The following FHIT variants were observed in gnomAD, a reference collection of about 807,000 sequenced individuals.
FHIT encodes the protein fragile histidine triad diadenosine triphosphatase, also known as bis(5'-adenosyl)-triphosphatase.
Under a neutral mutation model 17.9 loss-of-function variants are expected in FHIT, and 19 were observed. That is an observed-to-expected ratio of 1.06 (90% confidence interval 0.74 to 1.56). The LOEUF is 1.56. FHIT is among the 40% of genes most tolerant of loss of function. The pLI, the probability that FHIT is intolerant of heterozygous loss-of-function variation, is 0.00. For missense variants in FHIT, 248 were observed against 189.2 expected, an observed-to-expected ratio of 1.31 and a Z score of -1.82; for synonymous variants, 81 against 69.7, an observed-to-expected ratio of 1.16 and a Z score of -0.81.
At chr3:60,140,932 C>T (rs1461702490) in intron 5 of FHIT, among the ~76,000 whole-genome samples, 5 of 152,080 alleles carry the variant, frequency 3.3e-5, no homozygotes, top group South Asian at 4.1e-4. Flanking sequence ...GGTGTCAAAG[C>T]TGTCATCGGT....
At chr3:60,418,310 T>C (rs1702324931) in intron 5 of FHIT, among the ~76,000 whole-genome samples, 2 of 148,064 alleles carry the variant, frequency 1.4e-5, no homozygotes, top group Non-Finnish European at 1.5e-5. Flanking sequence ...CATAATTATG[T>C]CATGCTATAT....
At chr3:61,096,136 T>C (rs1179624709) in intron 2 of FHIT, among the ~76,000 whole-genome samples, 1 of 152,194 alleles carries the variant, frequency 6.6e-6, no homozygotes, top group Non-Finnish European at 1.5e-5. Context: ...GCTTTAAATC[T>C]TTCTCAAACA....
At chr3:60,892,970 T>A (rs1705595462) in intron 3 of FHIT, among the ~76,000 whole-genome samples, 1 of 152,206 alleles carries the variant, frequency 6.6e-6, no homozygotes, top group Admixed American at 6.5e-5. Flanking sequence ...TTGTCCAGAT[T>A]TTCTGCAATG....
At chr3:60,819,465 C>A (rs1373547736) in intron 4 of FHIT, among the ~76,000 whole-genome samples, 1 of 152,154 alleles carries the variant, frequency 6.6e-6, no homozygotes, top group Non-Finnish European at 1.5e-5. Context: ...CGTTATTTTA[C>A]CTTATTTCTT....
At chr3:60,031,259 T>C (rs1341218801) in intron 5 of FHIT, among the ~76,000 whole-genome samples, 4 of 152,242 alleles carry the variant, frequency 2.6e-5, no homozygotes, top group South Asian at 2.1e-4. Context: ...TGGAGTTTTC[T>C]GTCAACCTGG....
At chr3:60,508,728 G>C (rs968404195) in intron 5 of FHIT, among the ~76,000 whole-genome samples, 2 of 152,028 alleles carry the variant, frequency 1.3e-5, no homozygotes, top group Admixed American at 1.3e-4. Context: ...AAATCTGTGA[G>C]ATTTGTATAT....
At position 59,890,692 on chromosome 3, in the gene FHIT, C is replaced by T. The variant is rs12636019; in HGVS notation, c.348+31654G>A. ...TTGAAACACTATTACCAAAAAGCTG[C>T]TCAAAAGAGAGAGAGAAATTATAAT... On this transcript the variant is annotated intron_variant, in intron 8 of 9. Coordinates refer to ENST00000492590, the MANE Select transcript of FHIT (RefSeq NM_002012.4). 6.4e-3 allele frequency among the ~76,000 whole-genome samples: 981 copies of T among 152,222 alleles called. 36 individuals carry two copies. In the East Asian group the frequency reaches 0.11, roughly 17 times the overall value.
intron 3 of FHIT, among the ~76,000 whole-genome samples, chr3:60,894,971 C>A (rs1195861513): frequency 6.6e-6 from 1 of 152,182 alleles, no homozygotes; most frequent in Non-Finnish European, 1.5e-5. Context: ...AAATCAGGGA[C>A]TTTAACGTTG....
chr3:60,490,911 A>G (rs762722078), intron 5 of FHIT, among the ~76,000 whole-genome samples: 6 of 152,192 alleles, frequency 3.9e-5, no homozygotes, highest in Non-Finnish European at 8.8e-5. Flanking sequence ...GCCCCTAACT[A>G]AGGCAGTCTG....
intron 5 of FHIT, among the ~76,000 whole-genome samples, chr3:60,329,388 C>G (rs533798977): frequency 9.6e-4 from 146 of 152,276 alleles, no homozygotes; most frequent in African/African-American, 3.3e-3. Context: ...TGAACCACTA[C>G]TAGAGGATTC....
intron 5 of FHIT, among the ~76,000 whole-genome samples, chr3:60,418,313 T>C (rs1396064409): frequency 6.8e-6 from 1 of 146,860 alleles, no homozygotes; most frequent in African/African-American, 2.5e-5. Flanking sequence ...AATTATGTCA[T>C]GCTATATTCA....
intron 5 of FHIT, among the ~76,000 whole-genome samples, chr3:60,175,982 A>T (rs1156814725): frequency 6.6e-6 from 1 of 152,200 alleles, no homozygotes; most frequent in Admixed American, 6.5e-5. Context: ...TTTACTGAGC[A>T]TTTGAAACGG....
At chr3:59,904,065 C>CT (rs1161071894) in intron 8 of FHIT, among the ~76,000 whole-genome samples, 63 of 151,004 alleles carry the variant, frequency 4.2e-4, no homozygotes, top group Non-Finnish European at 5.2e-4. Flanking sequence ...GTGGCTACTT[C>CT]TTTTTTTTTC....
intron 5 of FHIT, among the ~76,000 whole-genome samples, chr3:60,074,695 G>C (rs1478522022): frequency 6.6e-6 from 1 of 151,672 alleles, no homozygotes; most frequent in Non-Finnish European, 1.5e-5. Context: ...TTAAAAGCAT[G>C]ATGTTCTTGT....
intron 8 of FHIT, among the ~76,000 whole-genome samples, chr3:59,856,586 T>C (rs1013408547): frequency 2.0e-5 from 3 of 152,334 alleles, no homozygotes; most frequent in Non-Finnish European, 2.9e-5. Context: ...TTGTAAGGCA[T>C]AACAAATTTT....
intron 5 of FHIT, among the ~76,000 whole-genome samples, chr3:60,273,239 C>T (rs1213979343): frequency 6.6e-6 from 1 of 152,126 alleles, no homozygotes; most frequent in Non-Finnish European, 1.5e-5. Context: ...ATAAAAACTT[C>T]GTATTTCTTT....
chr3:61,117,225 T>C (rs1242747713), intron 2 of FHIT, among the ~76,000 whole-genome samples: 1 of 152,210 alleles, frequency 6.6e-6, no homozygotes, highest in East Asian at 1.9e-4. Flanking sequence ...TAGAGTCACA[T>C]CTTTTAAGCA....
At chr3:60,951,135 T>C (rs1349866378) in intron 3 of FHIT, among the ~76,000 whole-genome samples, 1 of 152,160 alleles carries the variant, frequency 6.6e-6, no homozygotes, top group Non-Finnish European at 1.5e-5. Flanking sequence ...GGCTTTTATA[T>C]TTTCTACCAT....
At chr3:60,130,745 GGT>G (rs371035618) in intron 5 of FHIT, among the ~76,000 whole-genome samples, 2,529 of 79,638 alleles carry the variant, frequency 0.032, 51 homozygotes, top group Middle Eastern at 0.1. Flanking sequence ...ACTGAATAGG[GGT>G]GTGTGTGTGT....
Sources: gnomAD v4.1 joint callset for allele counts (sites outside exome capture counted in the v4.1 genomes callset) on GRCh38, gnomAD v4.1.1 for gene constraint, MANE v1.5 for transcripts, NCBI Gene and HGNC (gene_info 2026-07-23, HGNC 2026-07-21) for gene names.